Variants in ERC2 observed in about 807,000 individuals in gnomAD.
ERC2 encodes ELKS/RAB6-interacting/CAST family member 2.
Under a neutral mutation model 114.8 loss-of-function variants are expected in ERC2, and 42 were observed. The ratio of observed to expected loss-of-function variants is 0.37; its 90% CI spans 0.29 to 0.47. ERC2 has a LOEUF of 0.47. Ranked by LOEUF, ERC2 falls within the 20% of genes least tolerant of loss-of-function variation. ERC2 has a pLI of 0.99. For missense variants in ERC2, 939 were observed against 1,150.7 expected, an observed-to-expected ratio of 0.82 and a Z score of 2.66; for synonymous variants, 454 against 425.5, an observed-to-expected ratio of 1.07 and a Z score of -0.82.
chr3:56,272,479 T>C (rs2053718436), intron 3 of ERC2, among the ~76,000 whole-genome samples: 1 of 152,244 alleles, frequency 6.6e-6, no homozygotes, highest in African/African-American at 2.4e-5. Flanking sequence ...AATGGAGATA[T>C]GGAGATAAGG....
intron 3 of ERC2, among the ~76,000 whole-genome samples, chr3:56,185,463 C>T (rs912959506): frequency 6.6e-6 from 1 of 152,146 alleles, no homozygotes; most frequent in Admixed American, 6.6e-5. Context: ...ATTGTGTCCC[C>T]AGGAGTGGTA....
At chr3:55,730,429 A>C (rs1391248764) in intron 15 of ERC2, among the ~76,000 whole-genome samples, 1 of 152,246 alleles carries the variant, frequency 6.6e-6, no homozygotes, top group Non-Finnish European at 1.5e-5. Context: ...GGTTACCATA[A>C]AGCATTTGGC....
rs190502581 is a variant in ERC2 at position 55,808,878 on chromosome 3, G to A, written c.2565-73960C>T. ...GATCTCAACTTTTTAATCAATTTTT[G>A]TGACCAAATCACAAACTCTTATAAA... On this transcript the variant is annotated intron_variant, in intron 14 of 17. Coordinates refer to ENST00000288221, the MANE Select transcript of ERC2 (RefSeq NM_015576.3). Among the ~76,000 whole-genome samples, 735 of 149,382 alleles carry A rather than the reference G, an allele frequency of 4.9e-3. 6 individuals carry two copies. The highest frequency in any genetic ancestry group is 0.017 in the African/African-American group (696 of 40,680).
At chr3:55,903,991 T>C (rs918935935) in intron 13 of ERC2, among the ~76,000 whole-genome samples, 1 of 152,316 alleles carries the variant, frequency 6.6e-6, no homozygotes, top group Admixed American at 6.5e-5. Flanking sequence ...GAGGCTTATT[T>C]GTTAGGTTAC....
chr3:56,227,255 T>C (rs558649607), intron 3 of ERC2, among the ~76,000 whole-genome samples: 1 of 152,252 alleles, frequency 6.6e-6, no homozygotes, highest in South Asian at 2.1e-4. Flanking sequence ...CAAATGTAAT[T>C]GGTGAACAGG....
At chr3:56,240,383 T>A (rs2051247073) in intron 3 of ERC2, among the ~76,000 whole-genome samples, 1 of 152,230 alleles carries the variant, frequency 6.6e-6, no homozygotes, top group African/African-American at 2.4e-5. Context: ...CAGTCAGGAC[T>A]GAAGATAGTA....
intron 7 of ERC2, among the ~76,000 whole-genome samples, chr3:56,074,648 C>A (rs545271067): frequency 6.6e-6 from 1 of 152,088 alleles, no homozygotes; most frequent in Non-Finnish European, 1.5e-5. Flanking sequence ...CTTACTCAAA[C>A]CTTCATCCCT....
intron 1 of ERC2, among the ~76,000 whole-genome samples, chr3:56,448,562 C>A (rs550450614): frequency 1.4e-4 from 21 of 152,288 alleles, no homozygotes; most frequent in African/African-American, 5.1e-4. Context: ...GGGCCTCATA[C>A]ACATGAACTC....
intron 7 of ERC2, among the ~76,000 whole-genome samples, chr3:56,019,597 G>A (rs1159034808): frequency 6.6e-6 from 1 of 152,136 alleles, no homozygotes; most frequent in Non-Finnish European, 1.5e-5. Flanking sequence ...CTGTTAATGG[G>A]AAGAACTTGT....
In ERC2 at chr3:55,510,518, T is replaced by A. The variant is rs1369070700; in HGVS notation, c.*798A>T. The A allele has an allele frequency of 3.9e-5, 6 of 152,640 alleles. No homozygotes were observed. The highest frequency in any genetic ancestry group is 3.9e-4 in the Admixed American group (6 of 15,282). The allele number at this position is 152,640 out of a possible 1,614,324, so 9.5% of individuals were successfully genotyped here. The stretch of plus-strand genomic sequence containing the variant: ...GTACATGACTGGGTAGATAAAATTA[T>A]GAATGATCAATTTAGATGTGCCACG... On this transcript the variant is annotated 3_prime_UTR_variant, in exon 18 of 18. Transcript: ENST00000288221.
intron 2 of ERC2, among the ~76,000 whole-genome samples, chr3:56,313,657 G>A (rs2056729369): frequency 6.6e-6 from 1 of 152,158 alleles, no homozygotes; most frequent in South Asian, 2.1e-4. Flanking sequence ...TGAGAAGCTT[G>A]GTTCCATGTT....
At chr3:56,215,502 A>G (rs148447124) in intron 3 of ERC2, among the ~76,000 whole-genome samples, 2,050 of 152,340 alleles carry the variant, frequency 0.013, 50 homozygotes, top group African/African-American at 0.044. Flanking sequence ...GTAAGTCCTT[A>G]GAGACCTACA....
At chr3:56,274,266 T>C (rs1247141035) in intron 3 of ERC2, among the ~76,000 whole-genome samples, 1 of 152,196 alleles carries the variant, frequency 6.6e-6, no homozygotes, top group African/African-American at 2.4e-5. Flanking sequence ...TAATGCCTGA[T>C]GATCTGGGGT....
At chr3:55,657,163 A>G (rs577371980) in intron 17 of ERC2, 3 of 150,556 alleles carry the variant, frequency 2.0e-5, no homozygotes, top group Non-Finnish European at 4.4e-5. Flanking sequence ...TTTTGCCTCC[A>G]TGGTTGGCTG....
chr3:56,165,528 T>C lies in ERC2; in HGVS notation c.1149+7918A>G, dbSNP rs148414217. On this transcript the variant is annotated intron_variant, in intron 4 of 17. Transcript: ENST00000288221. ...CTCATTGCCATATAGCATTTCATTG[T>C]ATGAATATTCCACTACTGTTTTATC... is the stretch of plus-strand genomic sequence containing the variant. 1.1e-4 allele frequency among the ~76,000 whole-genome samples: 16 copies of C among 149,298 alleles called. No individual in the cohort carries two copies. The East Asian group carries it at 3.0e-3, about 28-fold the overall frequency.
chr3:55,844,151 C>T (rs1272154787), intron 14 of ERC2, among the ~76,000 whole-genome samples: 2 of 152,280 alleles, frequency 1.3e-5, no homozygotes, highest in East Asian at 1.9e-4. Context: ...ATGCTGTCTA[C>T]CACTACTGTT....
At position 55,992,161 on chromosome 3, in the gene ERC2, G is replaced by A. The variant is rs530440071; in HGVS notation, c.2151C>T (p.Asp717=). The A allele has an allele frequency of 9.3e-6, 15 of 1,613,698 alleles. No individual in the cohort carries two copies. Among genetic ancestry groups the A allele is most frequent in the Admixed American group, 5.0e-5 (3 of 59,988 alleles). ...QLDKEASYYR[D]ECGKAQAEVD... is the part of the protein sequence containing the mutation. The stretch of plus-strand genomic sequence containing the variant: ...CTTCCGCTTGGGCCTTGCCACACTC[G>A]TCGCGGTAGTAAGACGCCTCTTTAT... The change falls in exon 11 of 18, where the codon GAC becomes GAT. Residue 717 remains aspartate, a synonymous_variant. Coordinates refer to ENST00000288221, the MANE Select transcript of ERC2 (RefSeq NM_015576.3).
intron 17 of ERC2, among the ~76,000 whole-genome samples, chr3:55,660,631 G>A (rs2061087545): frequency 6.6e-6 from 1 of 152,182 alleles, no homozygotes; most frequent in South Asian, 2.1e-4. Flanking sequence ...TGTTTAGCAG[G>A]AGTTTAAATA....
At chr3:55,839,331 G>T (rs576453014) in intron 14 of ERC2, among the ~76,000 whole-genome samples, 1 of 151,870 alleles carries the variant, frequency 6.6e-6, no homozygotes, top group South Asian at 2.1e-4. Flanking sequence ...ACAAAAAAAT[G>T]TTAAAGTCTT....
Sources: allele counts gnomAD v4.1 joint callset (sites outside exome capture counted in the v4.1 genomes callset), GRCh38; gene constraint gnomAD v4.1.1; transcripts MANE v1.5; gene names NCBI Gene and HGNC (gene_info 2026-07-23, HGNC 2026-07-21).